TRPM6: variants seen among roughly 807,000 people sequenced by gnomAD.
TRPM6 encodes transient receptor potential cation channel subfamily M member 6.
Under a neutral mutation model 247.6 loss-of-function variants are expected in TRPM6, and 111 were observed. That is an observed-to-expected ratio of 0.45 (90% CI 0.38 to 0.52). TRPM6 has a LOEUF of 0.52. TRPM6 is among the 20% of genes least tolerant of loss of function. TRPM6 has a pLI of 0.00. For synonymous variants in TRPM6, 892 were observed against 853.8 expected, an observed-to-expected ratio of 1.04 and a Z score of -0.78; for missense variants, 2,126 against 2,421.5, an observed-to-expected ratio of 0.88 and a Z score of 2.56.
intron 3 of TRPM6, among the ~76,000 whole-genome samples, chr9:74,846,823 A>T (rs1830125017): frequency 6.6e-6 from 1 of 152,182 alleles, no homozygotes; most frequent in Non-Finnish European, 1.5e-5. Context: ...TGCTGGGATT[A>T]CAGTCGTGAG....
intron 5 of TRPM6, 107 bp downstream of exon 5, chr9:74,839,917 G>GGAAA: frequency 2.6e-6 from 2 of 755,444 alleles, no homozygotes; most frequent in Non-Finnish European, 2.2e-6. Context: ...AGGGAGGGAG[G>GGAAA]GAAAGAAAAG....
chr9:74,796,433 G>A (rs1388317537), intron 18 of TRPM6, among the ~76,000 whole-genome samples: 2 of 152,160 alleles, frequency 1.3e-5, no homozygotes, highest in African/African-American at 4.8e-5. Flanking sequence ...TCCAAACCAC[G>A]TCTTTGATTT....
At position 74,768,586 on chromosome 9, in the gene TRPM6, CT is replaced by C. The variant is rs1377816551; in HGVS notation, c.3536+3116del. Among the ~76,000 whole-genome samples the C allele has an allele frequency of 2.0e-5, 3 of 152,240 alleles. No homozygotes were observed. In the East Asian group the frequency reaches 5.8e-4, roughly 29 times the overall value. The stretch of plus-strand genomic sequence containing the variant: ...CCACCTTTCACCTGATTACCCCACT[CT>C]TTTCTGAAAGTCGTGCTGGACTCTA... On this transcript the variant is annotated intron_variant, in intron 25 of 38. Transcript: ENST00000360774.
intron 12 of TRPM6, 50 bp from the exon 13 acceptor site, chr9:74,810,918 T>G: frequency 1.3e-6 from 2 of 1,508,292 alleles, no homozygotes; most frequent in Non-Finnish European, 1.8e-6. Context: ...TACCATGTGC[T>G]GGGGGGTAAA....
rs1209611747 is a variant in TRPM6 at position 74,762,834 on chromosome 9, G to A, written c.3837C>T (p.Pro1279=). The stretch of plus-strand genomic sequence containing the variant: ...CAGCCAGGCTCCTCAGCAAAGAAGA[G>A]GGCATGCTATAATACTGGTATTTCT... ...GEKKYQYYSM[P]SSLLRSLAGG... The change falls in exon 26 of 39, where the codon CCC becomes CCT. Residue 1279 remains proline, a synonymous_variant. Transcript: ENST00000360774. 2 of 1,614,078 alleles carry A rather than the reference G, an allele frequency of 1.2e-6. No individual in the cohort carries two copies. The highest frequency in any genetic ancestry group is 1.7e-6 in the Non-Finnish European group (2 of 1,180,004).
rs747746067 is a variant in TRPM6, at chr9:74,816,693, G to T, written c.1284C>A (p.Ile428=). 1 of 1,613,894 alleles carries T rather than the reference G, an allele frequency of 6.2e-7. No homozygotes were observed. Among genetic ancestry groups the T allele is most frequent in the South Asian group, 1.1e-5 (1 of 91,072 alleles). ...WDRVDIAKKH[I]LIYEQHWKPD... ...CCTTCCAGTGTTGTTCATAAATTAG[G>T]ATATGTTTCTTGGCAATGTCCACCC... Residue 428 remains isoleucine, a synonymous_variant, in exon 11 of 39, where the codon ATC becomes ATA. Transcript: ENST00000360774.
rs148549386 is a variant in TRPM6, at chr9:74,753,667, G to A, written c.4907-1299C>T. 7.7e-3 allele frequency among the ~76,000 whole-genome samples: 1,170 copies of A among 152,284 alleles called. 10 individuals carry two copies. The highest frequency in any genetic ancestry group is 0.027 in the African/African-American group (1,120 of 41,560). On this transcript the variant is annotated intron_variant, in intron 28 of 38. Coordinates refer to ENST00000360774, the MANE Select transcript of TRPM6 (RefSeq NM_017662.5). ...GCTGTGATCACGTAACTATACTCCA[G>A]CTTGGGTGATGGAGCCAGACCCTGT...
rs7045949 is a variant in TRPM6, at chr9:74,827,700, C to T, written c.841+78G>A. 0.58 allele frequency: 866,292 copies of T among 1,483,244 alleles called. 255,676 individuals are homozygous for T. Among genetic ancestry groups the T allele is most frequent in the East Asian group, 0.79 (35,003 of 44,128 alleles). The allele number at this position is 1,483,244 out of a possible 1,614,324, so 91.9% of individuals were successfully genotyped here. A position where few individuals can be genotyped will look rare whatever the true frequency, so the allele number is the denominator to read the frequency against. On this transcript the variant is annotated intron_variant, in intron 7 of 38. Coordinates refer to ENST00000360774, the MANE Select transcript of TRPM6 (RefSeq NM_017662.5). ...CTTGAGGGGACTAGGAGAGTGAGCTCTGATGGTCAGGGAAGACCATGAAAG... is the reference window on the plus strand; with the variant it reads ...CTTGAGGGGACTAGGAGAGTGAGCTTTGATGGTCAGGGAAGACCATGAAAG...
chr9:74,869,213 G>A (rs930447101), intron 1 of TRPM6, among the ~76,000 whole-genome samples: 39 of 152,242 alleles, frequency 2.6e-4, no homozygotes, highest in African/African-American at 8.7e-4. Context: ...GGGCCGGCCT[G>A]TAATCCCAGC....
chr9:74,807,646 G>A (rs1346203057), intron 14 of TRPM6, among the ~76,000 whole-genome samples: 1 of 151,954 alleles, frequency 6.6e-6, no homozygotes, highest in Admixed American at 6.6e-5. Context: ...ACTAGGATGA[G>A]TTTACATATC....
intron 1 of TRPM6, 194 bp downstream of exon 1, chr9:74,887,630 C>A (rs751239448): frequency 1.3e-6 from 2 of 1,557,460 alleles, no homozygotes; most frequent in South Asian, 1.1e-5. Flanking sequence ...GCGTACACTA[C>A]CTTAGATAGG....
At chr9:74,768,974 G>A (rs1039680302) in intron 25 of TRPM6, among the ~76,000 whole-genome samples, 2 of 152,140 alleles carry the variant, frequency 1.3e-5, no homozygotes, top group Non-Finnish European at 2.9e-5. Context: ...AGGGTTGGAG[G>A]GGAATTTGTA....
At chr9:74,807,391 CCTCCCCTCATCTTCTAATAA>C (rs1828560937) in intron 14 of TRPM6, among the ~76,000 whole-genome samples, 1 of 152,172 alleles carries the variant, frequency 6.6e-6, no homozygotes, top group African/African-American at 2.4e-5. Context: ...ATTTTCTAAT[CCTCCCCTCATCTTCTAATAA>C]GAATGAGTCT....
intron 21 of TRPM6, among the ~76,000 whole-genome samples, chr9:74,783,761 A>G (rs1038463702): frequency 1.3e-5 from 2 of 152,192 alleles, no homozygotes; most frequent in African/African-American, 4.8e-5. Flanking sequence ...TCTAAGAGAA[A>G]AATGTCAAAT....
chr9:74,879,840 T>A (rs1831305966), intron 1 of TRPM6, among the ~76,000 whole-genome samples: 1 of 152,144 alleles, frequency 6.6e-6, no homozygotes, highest in African/African-American at 2.4e-5. Context: ...TTCCCTAAGT[T>A]CTGTGAGCCG....
intron 27 of TRPM6, among the ~76,000 whole-genome samples, chr9:74,756,169 T>G (rs372517688): frequency 6.6e-6 from 1 of 152,210 alleles, no homozygotes. Context: ...TCTACTTAAG[T>G]GCATATTTCT....
chr9:74,821,747 T>C lies in TRPM6; in HGVS notation c.932A>G (p.Asp311Gly). The C allele has an allele frequency of 1.2e-6, 2 of 1,614,132 alleles. No homozygotes were observed. Among genetic ancestry groups the C allele is most frequent in the Non-Finnish European group, 1.7e-6 (2 of 1,180,022 alleles). ...TGTGCCCTCACACACCACCACTGGG[T>C]CCTTGTCCTTGACAGTCTCCCACAC... ...LSVWETVKDK[D>G]PVVVCEGTGR... is the part of the protein sequence containing the mutation. The change falls in exon 8 of 39, where the codon GAC becomes GGC. Residue 311 changes from aspartate to glycine, a missense_variant. Physicochemically the swap from Asp to Gly is moderately conservative, Grantham distance 94 (BLOSUM62 -1). This residue lies in a region of TRPM6 where 1,082 missense variants were observed against 1,307.9 expected (regional missense o/e 0.83). Transcript: ENST00000360774.
chr9:74,878,448 C>A (rs73536162), intron 1 of TRPM6, among the ~76,000 whole-genome samples: 2,913 of 152,306 alleles, frequency 0.019, 112 homozygotes, highest in African/African-American at 0.067. Flanking sequence ...CCATCCCCAG[C>A]AAAACCTCAC....
Position 74,762,671 on chromosome 9 carries a change from T to G in TRPM6, c.4000A>C (p.Asn1334His). Reference sequence around the variant, plus strand: ...CCATACTTTGAGTGTGCTTGCCTGTTAGGAGACACCCCAGAAACCACTATA... The same window carrying G: ...CCATACTTTGAGTGTGCTTGCCTGTGAGGAGACACCCCAGAAACCACTATA... ...SSIVVSGVSP[N>H]RQAHSKYGQF... Residue 1334 changes from asparagine to histidine, a missense_variant, in exon 26 of 39, where the codon AAC (asparagine) becomes CAC (histidine). By Grantham distance (68) the Asn-to-His change is moderately conservative (BLOSUM62 1). This residue lies in a region of TRPM6 where 717 missense variants were observed against 715.9 expected (regional missense o/e 1.00). Coordinates refer to ENST00000360774, the MANE Select transcript of TRPM6 (RefSeq NM_017662.5). 2 of 1,614,174 alleles carry G rather than the reference T, an allele frequency of 1.2e-6. No homozygotes were observed. The highest frequency in any genetic ancestry group is 1.7e-6 in the Non-Finnish European group (2 of 1,180,018).
Sources: gnomAD v4.1 joint callset for allele counts (sites outside exome capture counted in the v4.1 genomes callset) on GRCh38, gnomAD v4.1.1 for gene constraint, gnomAD v4.1.1 regional missense constraint, MANE v1.5 for transcripts, NCBI Gene and HGNC (gene_info 2026-07-23, HGNC 2026-07-21) for gene names.